Variants in PYGB observed in about 807,000 individuals in gnomAD.
The protein encoded by PYGB is glycogen phosphorylase, brain form.
PYGB carries 82 observed loss-of-function variants against 94.3 expected under a neutral mutation model. The ratio of observed to expected loss-of-function variants is 0.87; its 90% CI spans 0.73 to 1.04. The LOEUF (loss-of-function observed/expected upper bound fraction) is 1.04. PYGB is among the 50% of genes least tolerant of loss of function. The pLI, the probability that PYGB is intolerant of heterozygous loss-of-function variation, is 0.00. For synonymous variants in PYGB, 488 were observed against 479.1 expected (o/e 1.02, Z -0.24); for missense variants, 1,132 against 1,158.2 (o/e 0.98, Z 0.33).
chr20:25,263,136 T>A (rs2092917383), intron 2 of PYGB, among the ~76,000 whole-genome samples: 1 of 152,086 alleles, frequency 6.6e-6, no homozygotes, highest in African/African-American at 2.4e-5. Context: ...TCTACAGAAC[T>A]CTCCACCCCA....
Position 25,288,470 on chromosome 20 carries a change from T to C in PYGB, c.1814T>C (p.Met605Thr), listed in dbSNP as rs368639278. 1.6e-5 allele frequency: 26 copies of C among 1,613,960 alleles called. No individual in the cohort carries two copies. Among genetic ancestry groups the C allele is most frequent in the South Asian group, 2.2e-5 (2 of 91,078 alleles). The change falls in exon 15 of 20, where the codon ATG becomes ACG. Residue 605 changes from methionine (M) to threonine (T), a missense_variant. Physicochemically the swap from Met to Thr is moderately conservative, Grantham distance 81 (BLOSUM62 -1). Coordinates refer to ENST00000216962, the MANE Select transcript of PYGB (RefSeq NM_002862.4). Reference sequence around the variant, plus strand: ...AAGGCTTTTGTGCCCAGGACTGTTATGATTGGGGGCAAGGTGAGTGACTTC... The same window carrying C: ...AAGGCTTTTGTGCCCAGGACTGTTACGATTGGGGGCAAGGTGAGTGACTTC... ...PAKAFVPRTV[M>T]IGGKAAPGYH...
chr20:25,279,811 T>G (rs1401402264), intron 9 of PYGB, among the ~76,000 whole-genome samples: 1 of 152,162 alleles, frequency 6.6e-6, no homozygotes, highest in Non-Finnish European at 1.5e-5. Context: ...GGTCTTGGGG[T>G]GTGTGCACTC....
In PYGB at chr20:25,269,127, A is replaced by G; in HGVS notation, c.346-2A>G. 6.4e-7 allele frequency: 1 copy of G among 1,568,754 alleles called. No individual in the cohort carries two copies. Among genetic ancestry groups the G allele is most frequent in the East Asian group, 2.2e-5 (1 of 44,652 alleles). On this transcript the variant is annotated splice_acceptor_variant, in intron 2 of 19. Transcript: ENST00000216962. LOFTEE classifies it high-confidence loss of function. ...AAATGCTGCCTGTGTTTTTGTTTGCAGTTGGGGTTAGACTTGGAGGAACTC... is the reference window on the plus strand; with the variant it reads ...AAATGCTGCCTGTGTTTTTGTTTGCGGTTGGGGTTAGACTTGGAGGAACTC...
intron 16 of PYGB, among the ~76,000 whole-genome samples, chr20:25,292,080 G>A (rs941822691): frequency 2.0e-5 from 3 of 152,180 alleles, no homozygotes; most frequent in South Asian, 2.1e-4. Flanking sequence ...CATTGTCAGC[G>A]AGCCAGGACT....
At chr20:25,278,861 C>T (rs1166772473) in intron 8 of PYGB, among the ~76,000 whole-genome samples, 196 bp from the exon 9 acceptor site, 1 of 152,080 alleles carries the variant, frequency 6.6e-6, no homozygotes, top group African/African-American at 2.4e-5. Flanking sequence ...GCACATCGGG[C>T]ACAGCGCACA....
chr20:25,280,150 C>T, intron 9 of PYGB, 116 bp from the exon 10 acceptor site: 1 of 1,317,014 alleles, frequency 7.6e-7, no homozygotes, highest in South Asian at 1.4e-5. Flanking sequence ...GACGGTGGCC[C>T]TTCCTGGGGT....
Position 25,282,714 on chromosome 20 carries a change from G to A in PYGB, c.1519-462G>A, listed in dbSNP as rs1332742086. On this transcript the variant is annotated intron_variant, in intron 12 of 19. Transcript: ENST00000216962. ...GGGCCCCTGGGACCTGGAAAGCAGCGTGGCTCCTGTGCAGTCTGAGATGGG... is the reference window on the plus strand; with the variant it reads ...GGGCCCCTGGGACCTGGAAAGCAGCATGGCTCCTGTGCAGTCTGAGATGGG... Among the ~76,000 whole-genome samples, 4 of 152,252 alleles carry A rather than the reference G, an allele frequency of 2.6e-5. No individual in the cohort carries two copies. In the South Asian group the frequency reaches 6.2e-4, roughly 24 times the overall value.
At chr20:25,248,623 C>T (rs2092878194) in intron 1 of PYGB, among the ~76,000 whole-genome samples, 2 of 151,970 alleles carry the variant, frequency 1.3e-5, no homozygotes, top group South Asian at 4.1e-4. Flanking sequence ...AGGGCCGCGG[C>T]CACGGGTCCG....
chr20:25,253,916 A>G (rs1390896261), intron 1 of PYGB, among the ~76,000 whole-genome samples: 4 of 152,154 alleles, frequency 2.6e-5, no homozygotes, highest in African/African-American at 7.2e-5. Flanking sequence ...TACTAAAAAT[A>G]CAAAAATTAG....
intron 14 of PYGB, among the ~76,000 whole-genome samples, chr20:25,286,316 T>C (rs1291841460): frequency 6.6e-6 from 1 of 152,252 alleles, no homozygotes; most frequent in African/African-American, 2.4e-5. Context: ...AGGACTTGGT[T>C]TGTCCTTGTC....
At chr20:25,273,730 A>G (rs2088286228) in intron 4 of PYGB, among the ~76,000 whole-genome samples, 3 of 151,882 alleles carry the variant, frequency 2.0e-5, no homozygotes, top group Admixed American at 2.0e-4. Flanking sequence ...TCTTCTTGGA[A>G]GCCCTCCCGG....
chr20:25,252,746 T>C (rs550357948), intron 1 of PYGB, among the ~76,000 whole-genome samples: 1 of 152,358 alleles, frequency 6.6e-6, no homozygotes, highest in Admixed American at 6.5e-5. Context: ...TTCACTGAAC[T>C]GGAAGGAAGC....
At chr20:25,268,167 C>CT (rs1555806071) in intron 2 of PYGB, among the ~76,000 whole-genome samples, 1 of 94,922 alleles carries the variant, frequency 1.1e-5, no homozygotes, top group Non-Finnish European at 2.1e-5. Context: ...ACCCGCCCCC[C>CT]CCCCATATCC....
intron 15 of PYGB, among the ~76,000 whole-genome samples, chr20:25,289,538 T>C (rs1466534462): frequency 6.6e-6 from 1 of 151,882 alleles, no homozygotes; most frequent in Non-Finnish European, 1.5e-5. Context: ...CCCAGTTACT[T>C]GGGAGGCTGA....
At chr20:25,263,907 G>C (rs2092918931) in intron 2 of PYGB, among the ~76,000 whole-genome samples, 1 of 152,170 alleles carries the variant, frequency 6.6e-6, no homozygotes. Context: ...TAGAAAAAGA[G>C]AGAATCCTCC....
intron 17 of PYGB, among the ~76,000 whole-genome samples, chr20:25,293,058 C>G (rs2088485329): frequency 6.7e-6 from 1 of 150,216 alleles, no homozygotes; most frequent in South Asian, 2.1e-4. Context: ...GTTCCCTGGT[C>G]TAAGTTGTAA....
rs1203584925 is a variant in PYGB at position 25,294,217 on chromosome 20, TC to T, written c.2238del (p.Ser747AlafsTer17). The T allele has an allele frequency of 1.2e-6, 2 of 1,613,664 alleles. No individual in the cohort carries two copies. Among genetic ancestry groups the T allele is most frequent in the South Asian group, 2.2e-5 (2 of 91,084 alleles). On this transcript the variant is annotated frameshift_variant, in exon 18 of 20. Coordinates refer to ENST00000216962, the MANE Select transcript of PYGB (RefSeq NM_002862.4). LOFTEE classifies it high-confidence loss of function. The part of the protein sequence containing the change: ...LPELKQAVDQ[I>X]SSGFFSPKEP... ...GAGCTGAAGCAGGCCGTGGACCAGATCAGCAGTGGCTTTTTTTCTCCCAAGG... is the reference window on the plus strand; with the variant it reads ...GAGCTGAAGCAGGCCGTGGACCAGATAGCAGTGGCTTTTTTTCTCCCAAGG...
At chr20:25,279,229 G>A in intron 9 of PYGB, 80 bp downstream of exon 9, 1 of 1,436,748 alleles carries the variant, frequency 7.0e-7, no homozygotes, top group African/African-American at 1.4e-5. Context: ...CTGAGCTGGG[G>A]GGCCTCTTCC....
intron 19 of PYGB, 127 bp downstream of exon 19, chr20:25,295,797 A>C (rs1334670493): frequency 9.4e-6 from 10 of 1,062,856 alleles, no homozygotes; most frequent in Non-Finnish European, 1.4e-5. Context: ...TGTGATTCTG[A>C]TCTGTCATCA....
Sources: gnomAD v4.1 joint callset for allele counts (sites outside exome capture counted in the v4.1 genomes callset) on GRCh38, gnomAD v4.1.1 for gene constraint, MANE v1.5 for transcripts, NCBI Gene and HGNC (gene_info 2026-07-23, HGNC 2026-07-21) for gene names.